Variants in NAE1 observed in about 807,000 individuals in gnomAD.
NAE1 encodes the protein NEDD8 activating enzyme E1 subunit 1.
Under a neutral mutation model 88.0 loss-of-function variants are expected in NAE1, and 59 were observed. That is an observed-to-expected ratio of 0.67 (90% CI 0.54 to 0.83). The LOEUF (loss-of-function observed/expected upper bound fraction) is 0.83, where lower values mean the gene tolerates loss of function less well. Ranked by LOEUF, NAE1 falls within the 40% of genes least tolerant of loss-of-function variation. NAE1 has a pLI of 0.00. For missense variants in NAE1, 554 were observed against 632.8 expected (o/e 0.88, Z 1.34); for synonymous variants, 186 against 208.9 (o/e 0.89, Z 0.95).
chr16:66,827,636 C>A, intron 1 of NAE1: 1 of 239,056 alleles, frequency 4.2e-6, no homozygotes. Flanking sequence ...CGACATAGGG[C>A]TTATTACTGT....
At chr16:66,830,047 A>T (rs998981740) in intron 1 of NAE1, among the ~76,000 whole-genome samples, 2 of 152,240 alleles carry the variant, frequency 1.3e-5, no homozygotes, top group African/African-American at 4.8e-5. Flanking sequence ...CACCACGCCC[A>T]GCTAATTTCT....
At chr16:66,812,340 T>TTG (rs1409554510) in intron 13 of NAE1, among the ~76,000 whole-genome samples, 1 of 152,062 alleles carries the variant, frequency 6.6e-6, no homozygotes, top group Admixed American at 6.6e-5. Context: ...GTTGTGAACC[T>TTG]TGTGTGTGTG....
intron 5 of NAE1, 47 bp downstream of exon 5, chr16:66,823,482 A>T (rs1960346595): frequency 4.6e-6 from 7 of 1,526,192 alleles, no homozygotes; most frequent in Non-Finnish European, 6.3e-6. Context: ...GAATTATTTA[A>T]AAAATTGTAT....
Position 66,805,473 on chromosome 16 carries a change from T to C in NAE1, c.1495+304A>G, listed in dbSNP as rs567220775. On this transcript the variant is annotated intron_variant, in intron 19 of 19. Transcript: ENST00000290810. ...GAGCAACATAGTGGGACCCTGTCTC[T>C]ACAAAAAATTGAAAAATTAGCCAGG... Among the ~76,000 whole-genome samples the C allele has an allele frequency of 3.4e-5, 5 of 148,956 alleles. No homozygotes were observed. In the East Asian group the frequency reaches 9.7e-4, roughly 29 times the overall value.
At chr16:66,827,145 T>G (rs1350002713) in intron 1 of NAE1, among the ~76,000 whole-genome samples, 7 of 152,136 alleles carry the variant, frequency 4.6e-5, no homozygotes, top group Admixed American at 3.3e-4. Flanking sequence ...TTGTTTTGTT[T>G]TGAGACAGAG....
chr16:66,820,630 G>A (rs1439198127), intron 7 of NAE1, among the ~76,000 whole-genome samples: 3 of 151,094 alleles, frequency 2.0e-5, no homozygotes, highest in Non-Finnish European at 3.0e-5. Context: ...GGCCGGGTGC[G>A]GTGGCTCACG....
intron 9 of NAE1, 46 bp downstream of exon 9, chr16:66,817,378 AC>A (rs751454973): frequency 1.4e-6 from 2 of 1,422,158 alleles, no homozygotes; most frequent in African/African-American, 2.8e-5. Flanking sequence ...TTTGTAAGAA[AC>A]TGAAAATACA....
At position 66,821,486 on chromosome 16, in the gene NAE1, C is replaced by T; in HGVS notation, c.475G>A (p.Val159Ile). Residue 159 changes from valine to isoleucine, a missense_variant, in exon 7 of 20, where the codon GTT (valine) becomes ATT (isoleucine). By Grantham distance (29) the Val-to-Ile change is conservative. Transcript: ENST00000290810. ...PLLICRTYGL[V>I]GYMRIIIKEH... ...TTTATAATGATCCTCATATAACCAA[C>T]TAGTCCATATGTCCTACAGATCAAA... 1 of 1,601,154 alleles carries T rather than the reference C, an allele frequency of 6.2e-7. No homozygotes were observed. Among genetic ancestry groups the T allele is most frequent in the South Asian group, 1.1e-5 (1 of 87,844 alleles).
chr16:66,826,814 A>C, intron 1 of NAE1, 34 bp from the exon 2 acceptor site: 1 of 1,561,932 alleles, frequency 6.4e-7, no homozygotes, highest in East Asian at 2.3e-5. Context: ...TGTTTTTAAA[A>C]CTTTCATGAA....
chr16:66,813,351 C>A (rs1475053556), intron 13 of NAE1: 1 of 520,924 alleles, frequency 1.9e-6, no homozygotes, highest in African/African-American at 1.9e-5. Flanking sequence ...ATGTTGCCCA[C>A]GATGGTCTCA....
Position 66,808,510 on chromosome 16 carries a change from G to A in NAE1, c.1330+11C>T. On this transcript the variant is annotated intron_variant, in intron 17 of 19. Coordinates refer to ENST00000290810, the MANE Select transcript of NAE1 (RefSeq NM_003905.4). ...TCTTATTATATCTGGTAATTCAATT[G>A]CTATTCTTACCTGGATATCTACCCT... is the stretch of plus-strand genomic sequence containing the variant. The A allele has an allele frequency of 6.8e-7, 1 of 1,480,134 alleles. No homozygotes were observed. The highest frequency in any genetic ancestry group is 9.3e-7 in the Non-Finnish European group (1 of 1,070,106). 91.7% of individuals were successfully genotyped at this position (1,480,134 alleles called of 1,614,324 possible).
At chr16:66,822,723 T>C (rs1218285851) in intron 6 of NAE1, among the ~76,000 whole-genome samples, 1 of 149,098 alleles carries the variant, frequency 6.7e-6, no homozygotes, top group African/African-American at 2.4e-5. Flanking sequence ...GGCTGGAGTG[T>C]AGTGGCACGA....
At chr16:66,829,834 C>G in intron 1 of NAE1, among the ~76,000 whole-genome samples, 1 of 152,198 alleles carries the variant, frequency 6.6e-6, no homozygotes, top group East Asian at 1.9e-4. Flanking sequence ...AGCAATGAGG[C>G]TAGTGTTAAC....
intron 17 of NAE1, among the ~76,000 whole-genome samples, chr16:66,806,445 G>C (rs887746878): frequency 2.0e-5 from 3 of 149,900 alleles, no homozygotes; most frequent in Non-Finnish European, 3.0e-5. Flanking sequence ...TTTTTCTTTT[G>C]AGAGAGAGTC....
intron 7 of NAE1, 108 bp downstream of exon 7, chr16:66,821,342 G>A: frequency 2.3e-6 from 3 of 1,326,054 alleles, no homozygotes; most frequent in Middle Eastern, 2.8e-4. Flanking sequence ...CTAGAGATGT[G>A]CTGCTACAAA....
intron 10 of NAE1, 127 bp downstream of exon 10, chr16:66,816,838 C>T: frequency 6.9e-7 from 1 of 1,454,756 alleles, no homozygotes; most frequent in Non-Finnish European, 9.2e-7. Flanking sequence ...CTTAACTTCT[C>T]CAGAAGGAAA....
At position 66,809,078 on chromosome 16, in the gene NAE1, G is replaced by T. The variant is rs1003792041; in HGVS notation, c.1151-3C>A. 6.2e-6 allele frequency: 10 copies of T among 1,604,998 alleles called. No individual in the cohort carries two copies. Among genetic ancestry groups the T allele is most frequent in the Non-Finnish European group, 7.7e-6 (9 of 1,173,868 alleles). On this transcript the variant is annotated splice_polypyrimidine_tract_variant and splice_region_variant and intron_variant, in intron 15 of 19. Coordinates refer to ENST00000290810, the MANE Select transcript of NAE1 (RefSeq NM_003905.4). ...TCGAAGAAATGCAGAATTGCTGCCT[G>T]AACAGAGGAAAGATATTCTGGAAGT...
intron 4 of NAE1, chr16:66,824,547 G>A (rs1018842960): frequency 2.2e-5 from 4 of 179,328 alleles, no homozygotes; most frequent in Admixed American, 6.2e-5. Context: ...AGTCGAGATC[G>A]CGCCACTGCA....
rs755347863 is a variant in NAE1 at position 66,816,990 on chromosome 16, C to T, written c.723G>A (p.Glu241=). The T allele has an allele frequency of 3.7e-6, 6 of 1,600,298 alleles. No homozygotes were observed. The Admixed American group carries it at 8.8e-5, about 24-fold the overall frequency. The change falls in exon 10 of 20, where the codon GAG becomes GAA. Residue 241 remains glutamate (E), a synonymous_variant. Transcript: ENST00000290810. Reference sequence around the variant, plus strand: ...CTTGTCTAATCAAATCTCTGAAGTCCTCTTTTTCTTTATACGTTTTAGGTA... The same window carrying T: ...CTTGTCTAATCAAATCTCTGAAGTCTTCTTTTTCTTTATACGTTTTAGGTA... ...GRIPKTYKEK[E]DFRDLIRQGI...
Sources: gnomAD v4.1 joint callset for allele counts (sites outside exome capture counted in the v4.1 genomes callset) on GRCh38, gnomAD v4.1.1 for gene constraint, MANE v1.5 for transcripts, NCBI Gene and HGNC (gene_info 2026-07-23, HGNC 2026-07-21) for gene names.